The following FCHSD2 variants were observed in gnomAD, a reference collection of about 807,000 sequenced individuals.
FCHSD2 encodes the protein FCH and double SH3 domains 2.
A neutral mutation model predicts 108.1 loss-of-function variants in FCHSD2; 38 were observed. The observed-to-expected ratio is 0.35, with a 90% CI of 0.27 to 0.46. The LOEUF is 0.46. FCHSD2 is among the 20% of genes least tolerant of loss of function. The pLI is 1.00. For synonymous variants in FCHSD2, 279 were observed against 314.7 expected, an observed-to-expected ratio of 0.89 and a Z score of 1.20; for missense variants, 751 against 897.8, an observed-to-expected ratio of 0.84 and a Z score of 2.09.
intron 2 of FCHSD2, among the ~76,000 whole-genome samples, chr11:73,123,094 T>C (rs534817448): frequency 6.6e-6 from 1 of 152,304 alleles, no homozygotes; most frequent in Non-Finnish European, 1.5e-5. Flanking sequence ...ACATGAACTA[T>C]ATATACATTA....
chr11:73,066,068 C>T (rs1436941824), intron 3 of FCHSD2, among the ~76,000 whole-genome samples: 1 of 152,128 alleles, frequency 6.6e-6, no homozygotes, highest in Admixed American at 6.5e-5. Context: ...GCAAGAAGAA[C>T]AAAGCTGGAG....
At chr11:73,012,624 ATCTT>A (rs1172169779) in intron 4 of FCHSD2, among the ~76,000 whole-genome samples, 9 of 152,162 alleles carry the variant, frequency 5.9e-5, no homozygotes, top group Non-Finnish European at 1.3e-4. Flanking sequence ...CTCAATCCTG[ATCTT>A]TCTATTGTCT....
intron 10 of FCHSD2, among the ~76,000 whole-genome samples, chr11:72,891,916 A>G (rs1254342263): frequency 2.0e-5 from 3 of 152,222 alleles, no homozygotes; most frequent in Admixed American, 2.0e-4. Flanking sequence ...AATGTTAAAG[A>G]CCCAATTGAA....
intron 8 of FCHSD2, among the ~76,000 whole-genome samples, chr11:72,941,939 G>T (rs1036743020): frequency 6.6e-6 from 1 of 152,118 alleles, no homozygotes; most frequent in Non-Finnish European, 1.5e-5. Flanking sequence ...GCATAAAAAA[G>T]TAATAAAGTT....
chr11:72,933,276 C>A (rs917107360), intron 8 of FCHSD2, among the ~76,000 whole-genome samples: 3 of 152,148 alleles, frequency 2.0e-5, no homozygotes, highest in Non-Finnish European at 4.4e-5. Flanking sequence ...AATGGCCTAT[C>A]CTTCCCACCA....
intron 12 of FCHSD2, chr11:72,869,420 G>C (rs1487432272): frequency 6.6e-6 from 1 of 151,470 alleles, no homozygotes; most frequent in Non-Finnish European, 1.5e-5. Flanking sequence ...AGAAGGGAAA[G>C]AGAGGGTTGG....
chr11:72,894,366 T>C (rs1007389727), intron 10 of FCHSD2, among the ~76,000 whole-genome samples: 1 of 152,046 alleles, frequency 6.6e-6, no homozygotes, highest in African/African-American at 2.4e-5. Context: ...GCAACATAGC[T>C]AGACCCCAGC....
chr11:72,877,035 G>A (rs947102277), intron 12 of FCHSD2, among the ~76,000 whole-genome samples: 8 of 151,368 alleles, frequency 5.3e-5, no homozygotes, highest in Non-Finnish European at 1.0e-4. Flanking sequence ...GCAGTGGTAC[G>A]ATCACGGCTC....
At chr11:73,078,291 A>G (rs1859602684) in intron 3 of FCHSD2, among the ~76,000 whole-genome samples, 2 of 152,188 alleles carry the variant, frequency 1.3e-5, no homozygotes, top group African/African-American at 2.4e-5. Context: ...TGTATCTACT[A>G]AAGTAGAACA....
intron 3 of FCHSD2, among the ~76,000 whole-genome samples, chr11:73,082,206 G>A (rs112614512): frequency 0.041 from 6,159 of 151,718 alleles, 324 homozygotes; most frequent in African/African-American, 0.12. Context: ...GCGTGATGGC[G>A]TGTGCCTGTC....
chr11:72,944,819 A>G (rs932979875), intron 8 of FCHSD2, among the ~76,000 whole-genome samples: 1 of 152,202 alleles, frequency 6.6e-6, no homozygotes, highest in African/African-American at 2.4e-5. Context: ...AAGAGAATAA[A>G]ATACCTAGGA....
At chr11:73,041,475 T>C (rs1295117455) in intron 3 of FCHSD2, among the ~76,000 whole-genome samples, 1 of 152,194 alleles carries the variant, frequency 6.6e-6, no homozygotes, top group Non-Finnish European at 1.5e-5. Context: ...ATTTCCCTGA[T>C]GATTAGTGAT....
chr11:73,037,257 C>T (rs969096127), intron 3 of FCHSD2, among the ~76,000 whole-genome samples: 3 of 152,150 alleles, frequency 2.0e-5, no homozygotes, highest in African/African-American at 7.2e-5. Context: ...GGTACATTTA[C>T]AATGGATGAA....
chr11:73,019,058 T>C lies in FCHSD2; in HGVS notation c.166-3173A>G, dbSNP rs185232170. Among the ~76,000 whole-genome samples, 11 of 152,308 alleles carry C rather than the reference T, an allele frequency of 7.2e-5. 1 individual carries two copies. Among genetic ancestry groups the C allele is most frequent in the Admixed American group, 5.2e-4 (8 of 15,296 alleles). On this transcript the variant is annotated intron_variant, in intron 3 of 19. Transcript: ENST00000409418. ...AACAAGTGGCAAAATGTGATATAAG[T>C]ACCCAAATGAGGAAAAGATCATCTG... is the stretch of plus-strand genomic sequence containing the variant.
intron 3 of FCHSD2, among the ~76,000 whole-genome samples, chr11:73,070,745 A>G (rs986439785): frequency 1.3e-5 from 2 of 151,948 alleles, no homozygotes; most frequent in African/African-American, 4.8e-5. Flanking sequence ...AATTAAAAAA[A>G]AAAAAGAAAT....
intron 9 of FCHSD2, among the ~76,000 whole-genome samples, chr11:72,915,551 G>A (rs1855855598): frequency 6.6e-6 from 1 of 152,144 alleles, no homozygotes; most frequent in Non-Finnish European, 1.5e-5. Flanking sequence ...GGTCGGGCGT[G>A]GTGGCTCATG....
At chr11:73,021,422 C>T (rs1014455242) in intron 3 of FCHSD2, among the ~76,000 whole-genome samples, 2 of 152,004 alleles carry the variant, frequency 1.3e-5, no homozygotes, top group African/African-American at 4.8e-5. Flanking sequence ...GTGGATGGCG[C>T]TGGAGGCTAT....
chr11:73,094,527 T>C (rs1860032325), intron 2 of FCHSD2, among the ~76,000 whole-genome samples: 1 of 152,190 alleles, frequency 6.6e-6, no homozygotes, highest in Non-Finnish European at 1.5e-5. Context: ...AATGGGATCA[T>C]GGATAAACAG....
At chr11:72,944,942 G>A (rs1438484184) in intron 8 of FCHSD2, among the ~76,000 whole-genome samples, 2 of 152,124 alleles carry the variant, frequency 1.3e-5, no homozygotes, top group South Asian at 2.1e-4. Flanking sequence ...TCACGGGTAG[G>A]AAGAATCAAT....
Sources: allele counts gnomAD v4.1 joint callset (sites outside exome capture counted in the v4.1 genomes callset), GRCh38; gene constraint gnomAD v4.1.1; transcripts MANE v1.5; gene names NCBI Gene and HGNC (gene_info 2026-07-23, HGNC 2026-07-21).